AGMO: variants seen among roughly 807,000 people sequenced by gnomAD.
The protein encoded by AGMO is alkylglycerol monooxygenase.
A neutral mutation model predicts 60.2 loss-of-function variants in AGMO; 75 were observed. The ratio of observed to expected loss-of-function variants is 1.25; its 90% confidence interval spans 1.03 to 1.51. The LOEUF (loss-of-function observed/expected upper bound fraction) is 1.51, where lower values mean the gene tolerates loss of function less well. Among genes scored for constraint, AGMO ranks in the 40% most tolerant of loss-of-function variants. The pLI is 0.00. For missense variants in AGMO, 763 were observed against 525.5 expected, an observed-to-expected ratio of 1.45 and a Z score of -4.42; for synonymous variants, 261 against 177.1, an observed-to-expected ratio of 1.47 and a Z score of -3.76.
At chr7:15,428,184 G>A (rs982615216) in intron 4 of AGMO, among the ~76,000 whole-genome samples, 1 of 152,038 alleles carries the variant, frequency 6.6e-6, no homozygotes, top group Non-Finnish European at 1.5e-5. Flanking sequence ...GAAGAGACCT[G>A]AAGTGTGCCC....
At chr7:15,322,242 A>C (rs1781128292) in intron 12 of AGMO, among the ~76,000 whole-genome samples, 1 of 149,136 alleles carries the variant, frequency 6.7e-6, no homozygotes, top group African/African-American at 2.4e-5. Context: ...AATGTAATAT[A>C]ATATAAGAAA....
At chr7:15,429,740 G>A (rs1781174448) in intron 4 of AGMO, among the ~76,000 whole-genome samples, 1 of 151,934 alleles carries the variant, frequency 6.6e-6, no homozygotes, top group South Asian at 2.1e-4. Flanking sequence ...CTATGCTGCT[G>A]TTTGGGTTAG....
chr7:15,307,935 C>G (rs1264497173), intron 12 of AGMO, among the ~76,000 whole-genome samples: 2 of 152,058 alleles, frequency 1.3e-5, no homozygotes, highest in Non-Finnish European at 2.9e-5. Context: ...ATGTCTCTCT[C>G]TTGTCAATCC....
the AGMO span, among the ~76,000 whole-genome samples, chr7:15,148,968 G>C: frequency 6.6e-6 from 1 of 151,970 alleles, no homozygotes; most frequent in Admixed American, 6.6e-5. Flanking sequence ...CACAATCTCA[G>C]CTCGCTAACA....
intron 12 of AGMO, among the ~76,000 whole-genome samples, chr7:15,364,550 C>A (rs1289362056): frequency 6.6e-6 from 1 of 152,054 alleles, no homozygotes; most frequent in African/African-American, 2.4e-5. Flanking sequence ...GCTAATCTTA[C>A]GTCATGACAA....
At chr7:15,495,000 G>A (rs575453675) in intron 3 of AGMO, among the ~76,000 whole-genome samples, 35 of 152,312 alleles carry the variant, frequency 2.3e-4, no homozygotes, top group African/African-American at 8.4e-4. Context: ...AAATACTGAT[G>A]AATATAGCCT....
chr7:15,199,696 T>C (rs1396323510), downstream of AGMO, among the ~76,000 whole-genome samples: 2 of 152,178 alleles, frequency 1.3e-5, no homozygotes, highest in Non-Finnish European at 2.9e-5. Flanking sequence ...TGATTCTGTA[T>C]ATGTATACAA....
chr7:15,142,185 A>G, the AGMO span, among the ~76,000 whole-genome samples: 3 of 152,208 alleles, frequency 2.0e-5, no homozygotes, highest in African/African-American at 7.2e-5. Context: ...TATATAAACT[A>G]TATATAAGAA....
chr7:15,144,861 G>A, the AGMO span, among the ~76,000 whole-genome samples: 1 of 152,276 alleles, frequency 6.6e-6, no homozygotes, highest in Admixed American at 6.5e-5. Context: ...ACGGAGTCTC[G>A]CTCTGCCGCC....
chr7:15,238,632 C>T (rs565017327), intron 12 of AGMO, among the ~76,000 whole-genome samples: 1 of 151,252 alleles, frequency 6.6e-6, no homozygotes, highest in African/African-American at 2.4e-5. Context: ...TAGGTTAAAA[C>T]ACAAAGGCAA....
intron 3 of AGMO, among the ~76,000 whole-genome samples, chr7:15,459,739 T>C (rs1032791834): frequency 6.6e-6 from 1 of 152,034 alleles, no homozygotes; most frequent in Admixed American, 6.6e-5. Flanking sequence ...GCATGGACTG[T>C]ATTTGACTCA....
Position 15,385,574 on chromosome 7 carries a change from A to G in AGMO, c.958-12T>C, listed in dbSNP as rs1296094534. The G allele has an allele frequency of 2.4e-5, 36 of 1,488,952 alleles. No individual in the cohort carries two copies. Among genetic ancestry groups the G allele is most frequent in the Non-Finnish European group, 3.1e-5 (33 of 1,067,178 alleles). The allele number at this position is 1,488,952 out of a possible 1,614,324, so 92.2% of individuals were successfully genotyped here. ...TCTTTGCCGGTGACCTAGGGAGACA[A>G]GAACCATTTCCTTTATATTGCTCCA... On this transcript the variant is annotated splice_polypyrimidine_tract_variant and intron_variant, in intron 9 of 12. Transcript: ENST00000342526.
At chr7:15,348,691 C>T (rs1191278854) in intron 12 of AGMO, among the ~76,000 whole-genome samples, 1 of 151,936 alleles carries the variant, frequency 6.6e-6, no homozygotes, top group Non-Finnish European at 1.5e-5. Context: ...AGTATAGCAT[C>T]ACTCTGTTTT....
chr7:15,560,298 T>A, intron 1 of AGMO, 27 bp from the exon 2 acceptor site: 2 of 1,608,458 alleles, frequency 1.2e-6, no homozygotes, highest in South Asian at 2.2e-5. Context: ...AGAAAAGAGA[T>A]GCTATTATGT....
intron 12 of AGMO, among the ~76,000 whole-genome samples, chr7:15,209,482 T>G (rs2115474770): frequency 6.6e-6 from 1 of 152,258 alleles, no homozygotes; most frequent in African/African-American, 2.4e-5. Flanking sequence ...AAAAGATATG[T>G]TTTGAAAAGA....
intron 12 of AGMO, among the ~76,000 whole-genome samples, chr7:15,250,892 C>T (rs1782912132): frequency 6.6e-6 from 1 of 151,974 alleles, no homozygotes; most frequent in East Asian, 1.9e-4. Context: ...TTGCAGTGAG[C>T]CGAGATTGCA....
intron 3 of AGMO, among the ~76,000 whole-genome samples, chr7:15,499,871 A>C (rs1783329978): frequency 6.7e-6 from 1 of 149,808 alleles, no homozygotes; most frequent in Non-Finnish European, 1.5e-5. Flanking sequence ...TATCATATGC[A>C]ATTGTGTGAA....
At chr7:15,271,375 C>T (rs1193141866) in intron 12 of AGMO, among the ~76,000 whole-genome samples, 5 of 152,020 alleles carry the variant, frequency 3.3e-5, no homozygotes, top group South Asian at 4.1e-4. Context: ...CTTGTAAAGA[C>T]CTTTCAGCTT....
At chr7:15,248,347 CAG>C (rs1782829546) in intron 12 of AGMO, among the ~76,000 whole-genome samples, 1 of 150,644 alleles carries the variant, frequency 6.6e-6, no homozygotes, top group African/African-American at 2.4e-5. Context: ...ATGCTGGAAA[CAG>C]AGACTGATCA....
Sources: allele counts gnomAD v4.1 joint callset (sites outside exome capture counted in the v4.1 genomes callset), GRCh38; gene constraint gnomAD v4.1.1; transcripts MANE v1.5; gene names NCBI Gene and HGNC (gene_info 2026-07-23, HGNC 2026-07-21).